Variants in BORCS5 observed in about 807,000 individuals in gnomAD.
BORCS5 encodes the protein BLOC-1 related complex subunit 5, also known as BLOC-1-related complex subunit 5.
Under a neutral mutation model 22.1 loss-of-function variants are expected in BORCS5, and 17 were observed. The ratio of observed to expected loss-of-function variants is 0.77; its 90% confidence interval spans 0.53 to 1.15. The LOEUF is 1.15. Ranked by LOEUF, BORCS5 falls within the 50% of genes most tolerant of loss-of-function variation. The pLI is 0.00. For missense variants in BORCS5, 247 were observed against 253.2 expected (o/e 0.98, Z 0.17); for synonymous variants, 117 against 99.8 (o/e 1.17, Z -1.03).
At chr12:12,411,689 G>C (rs923186200) in intron 2 of BORCS5, among the ~76,000 whole-genome samples, 2 of 152,084 alleles carry the variant, frequency 1.3e-5, no homozygotes, top group Non-Finnish European at 2.9e-5. Flanking sequence ...CCAATTCAGT[G>C]TCATGAAACT....
At chr12:12,452,480 T>G (rs977867409) in intron 3 of BORCS5, 1 of 482,186 alleles carries the variant, frequency 2.1e-6, no homozygotes, top group Non-Finnish European at 4.3e-6. Flanking sequence ...ATCGCCTTGA[T>G]CGTGGCTGGG....
intron 2 of BORCS5, among the ~76,000 whole-genome samples, chr12:12,373,467 G>A (rs1333275202): frequency 2.0e-5 from 3 of 152,152 alleles, no homozygotes; most frequent in Non-Finnish European, 4.4e-5. Context: ...CTGTTATACA[G>A]TATCGGAAAT....
rs1473859853 is a variant in BORCS5, at chr12:12,469,549, G to A, written c.*3773G>A. On this transcript the variant is annotated 3_prime_UTR_variant, in exon 4 of 4. Transcript: ENST00000314565. The stretch of plus-strand genomic sequence containing the variant: ...GTTTTACAAGGTTACATAAACTAAT[G>A]GCCCTGGGGCGAATGACGTATGCCA... 1 of 152,204 alleles carries A rather than the reference G, an allele frequency of 6.6e-6. No individual in the cohort carries two copies. Among genetic ancestry groups the A allele is most frequent in the East Asian group, 1.9e-4 (1 of 5,202 alleles). 9.4% of individuals were successfully genotyped at this position (152,204 alleles called of 1,614,324 possible). A position where few individuals can be genotyped will look rare whatever the true frequency, so the allele number is the denominator to read the frequency against.
chr12:12,357,270 C>T lies in BORCS5; in HGVS notation c.-182C>T, dbSNP rs1863161054. 1.4e-6 allele frequency: 2 copies of T among 1,459,078 alleles called. No individual in the cohort carries two copies. The highest frequency in any genetic ancestry group is 1.4e-5 in the African/African-American group (1 of 70,610). 90.4% of individuals were successfully genotyped at this position (1,459,078 alleles called of 1,614,324 possible). A position where few individuals can be genotyped will look rare whatever the true frequency, so the allele number is the denominator to read the frequency against. On this transcript the variant is annotated 5_prime_UTR_variant, in exon 1 of 4. Transcript: ENST00000314565. ...TTCTGTTCCCCAAATAGGGCCTCTC[C>T]TTCTCCCGCCGCCCAGGCCCCTGCG... is the stretch of plus-strand genomic sequence containing the variant.
intron 2 of BORCS5, among the ~76,000 whole-genome samples, chr12:12,399,993 T>C (rs1450722354): frequency 6.6e-6 from 1 of 152,208 alleles, no homozygotes; most frequent in East Asian, 1.9e-4. Flanking sequence ...AAATTAAATG[T>C]TATTAAATAA....
At chr12:12,435,902 C>T (rs78877514) in intron 3 of BORCS5, 117 bp downstream of exon 3, 90,768 of 1,034,268 alleles carry the variant, frequency 0.088, 4,844 homozygotes, top group East Asian at 0.2. Flanking sequence ...TGCTTTTTCC[C>T]AGCAGTAAAA....
chr12:12,389,464 T>G (rs1269699987), intron 2 of BORCS5, among the ~76,000 whole-genome samples: 6 of 145,524 alleles, frequency 4.1e-5, no homozygotes, highest in Admixed American at 6.8e-5. Flanking sequence ...AATGCACATT[T>G]ACAATTCTAA....
chr12:12,357,231 G>GCGCCT lies in BORCS5; in HGVS notation c.-219_-215dup. The GCGCCT allele has an allele frequency of 2.0e-6, 3 of 1,474,258 alleles. No homozygotes were observed. The highest frequency in any genetic ancestry group is 2.7e-6 in the Non-Finnish European group (3 of 1,116,228). 91.3% of individuals were successfully genotyped at this position (1,474,258 alleles called of 1,614,324 possible). On this transcript the variant is annotated 5_prime_UTR_variant, in exon 1 of 4. Transcript: ENST00000314565. ...AGGGCTAGCCGCGTGCGTTCGCGCCGCGCCTCCTTGCGTTTCTGTTCCCCA... is the reference window on the plus strand; with the variant it reads ...AGGGCTAGCCGCGTGCGTTCGCGCCGCGCCTCGCCTCCTTGCGTTTCTGTTCCCCA...
At chr12:12,464,609 G>A (rs1170157866) in intron 3 of BORCS5, among the ~76,000 whole-genome samples, 1 of 152,114 alleles carries the variant, frequency 6.6e-6, no homozygotes, top group Non-Finnish European at 1.5e-5. Context: ...AGAAACAAGG[G>A]GTGAGGGGGT....
intron 3 of BORCS5, among the ~76,000 whole-genome samples, chr12:12,437,992 G>C (rs796938976): frequency 2.6e-5 from 4 of 152,122 alleles, no homozygotes; most frequent in African/African-American, 9.6e-5. Context: ...GCCTCCCAAA[G>C]CACTGGGATT....
Position 12,357,404 on chromosome 12 carries a change from G to C in BORCS5, c.-48G>C. On this transcript the variant is annotated 5_prime_UTR_variant, in exon 1 of 4. Coordinates refer to ENST00000314565, the MANE Select transcript of BORCS5 (RefSeq NM_058169.6). ...CTGCCCTGTCGCCCGCCGCCGGAGC[G>C]GTGACCGCCCGGCCCGCCGTTCTTC... is the stretch of plus-strand genomic sequence containing the variant. 6.3e-7 allele frequency: 1 copy of C among 1,590,130 alleles called. No homozygotes were observed. Among genetic ancestry groups the C allele is most frequent in the Non-Finnish European group, 8.6e-7 (1 of 1,164,430 alleles).
At chr12:12,384,574 C>T (rs563089058) in intron 2 of BORCS5, among the ~76,000 whole-genome samples, 2 of 150,812 alleles carry the variant, frequency 1.3e-5, no homozygotes, top group South Asian at 4.2e-4. Flanking sequence ...TTCTGATCCT[C>T]CCAAATTGCT....
chr12:12,367,841 T>C (rs1863436504), intron 2 of BORCS5, among the ~76,000 whole-genome samples: 3 of 152,246 alleles, frequency 2.0e-5, no homozygotes, highest in African/African-American at 7.2e-5. Context: ...TTGCTGGGAC[T>C]TTGCTCCTGT....
chr12:12,364,468 T>C (rs1264340119), intron 2 of BORCS5, among the ~76,000 whole-genome samples: 1 of 152,122 alleles, frequency 6.6e-6, no homozygotes, highest in Non-Finnish European at 1.5e-5. Flanking sequence ...TCACGTTGAG[T>C]AGGCCGAGAA....
At chr12:12,458,186 G>A (rs1943033049) in intron 3 of BORCS5, among the ~76,000 whole-genome samples, 1 of 152,086 alleles carries the variant, frequency 6.6e-6, no homozygotes, top group Admixed American at 6.6e-5. Flanking sequence ...AGTGCCCAAG[G>A]GCACAAGCTT....
intron 2 of BORCS5, among the ~76,000 whole-genome samples, chr12:12,392,487 G>C (rs1941219814): frequency 6.6e-6 from 1 of 151,968 alleles, no homozygotes; most frequent in Non-Finnish European, 1.5e-5. Context: ...CAGCAAAAAG[G>C]TTACAGACAT....
At chr12:12,456,229 T>G (rs1409194075) in intron 3 of BORCS5, among the ~76,000 whole-genome samples, 1 of 152,194 alleles carries the variant, frequency 6.6e-6, no homozygotes, top group Non-Finnish European at 1.5e-5. Flanking sequence ...GCCAGGAGTT[T>G]GGAGATCAGC....
chr12:12,442,207 T>C (rs1942697888), intron 3 of BORCS5, among the ~76,000 whole-genome samples: 1 of 151,092 alleles, frequency 6.6e-6, no homozygotes, highest in African/African-American at 2.5e-5. Flanking sequence ...CTCATTCTAG[T>C]TGCTGTCAGT....
At chr12:12,382,235 T>C (rs1157850742) in intron 2 of BORCS5, among the ~76,000 whole-genome samples, 1 of 151,098 alleles carries the variant, frequency 6.6e-6, no homozygotes, top group Non-Finnish European at 1.5e-5. Flanking sequence ...CTTTCAATCA[T>C]GGAGGAAGGT....
Sources: allele counts gnomAD v4.1 joint callset (sites outside exome capture counted in the v4.1 genomes callset), GRCh38; gene constraint gnomAD v4.1.1; transcripts MANE v1.5; gene names NCBI Gene and HGNC (gene_info 2026-07-23, HGNC 2026-07-21).